The following FIRRM variants were observed in gnomAD, a reference collection of about 807,000 sequenced individuals.
FIRRM encodes FIGNL1-interacting regulator of recombination and mitosis.
At chr1:169,836,037 TTC>T in the FIRRM span, among the ~76,000 whole-genome samples, 4 of 146,976 alleles carry the variant, frequency 2.7e-5, no homozygotes, top group Admixed American at 7.1e-5. Flanking sequence ...ACAGAAAAGT[TTC>T]TCTGTCAGAT....
At chr1:169,805,607 G>A in the FIRRM span, among the ~76,000 whole-genome samples, 1 of 152,088 alleles carries the variant, frequency 6.6e-6, no homozygotes, top group Non-Finnish European at 1.5e-5. Context: ...CTGAGTAAAA[G>A]CCTTGCATGA....
the FIRRM span, chr1:169,842,399 C>T: frequency 6.2e-7 from 1 of 1,606,574 alleles, no homozygotes; most frequent in Non-Finnish European, 8.5e-7. Flanking sequence ...CAAGTCCTTT[C>T]CTGTTTCTGT....
the FIRRM span, chr1:169,827,835 A>G: frequency 6.2e-7 from 1 of 1,613,990 alleles, no homozygotes; most frequent in Non-Finnish European, 8.5e-7. Context: ...CAGAAACGAC[A>G]ACCAGGTAGC....
chr1:169,797,683 T>C, the FIRRM span, among the ~76,000 whole-genome samples: 244 of 152,248 alleles, frequency 1.6e-3, no homozygotes, highest in Non-Finnish European at 3.2e-3. Flanking sequence ...TAGCTGAGAT[T>C]ACAGGCACGT....
At chr1:169,796,924 G>T in the FIRRM span, among the ~76,000 whole-genome samples, 1 of 152,172 alleles carries the variant, frequency 6.6e-6, no homozygotes, top group Non-Finnish European at 1.5e-5. Context: ...CTTTTTCAGA[G>T]CCTTCAATCT....
At chr1:169,852,569 C>T in the FIRRM span, 1 of 556,796 alleles carries the variant, frequency 1.8e-6, no homozygotes, top group South Asian at 2.3e-5. Context: ...ATACCACATA[C>T]AAACTAAGAC....
chr1:169,803,378 G>T, the FIRRM span: 1 of 1,374,918 alleles, frequency 7.3e-7, no homozygotes. Flanking sequence ...GTAAAATAAT[G>T]TTTGTATAAG....
chr1:169,850,245 GTTCATCAATTTT>G, the FIRRM span: 1 of 1,539,278 alleles, frequency 6.5e-7, no homozygotes, highest in East Asian at 2.3e-5. Flanking sequence ...AATTGGTCTT[GTTCATCAATTTT>G]TTAATAGGGA....
At chr1:169,819,077 A>G in the FIRRM span, among the ~76,000 whole-genome samples, 1 of 152,358 alleles carries the variant, frequency 6.6e-6, no homozygotes, top group South Asian at 2.1e-4. Context: ...CAGCCTAATA[A>G]GCAGGCACAG....
chr1:169,806,510 A>C, the FIRRM span, among the ~76,000 whole-genome samples: 80 of 152,316 alleles, frequency 5.3e-4, no homozygotes, highest in African/African-American at 1.7e-3. Flanking sequence ...CAGTAATTTT[A>C]ACTTTCTGAA....
the FIRRM span, among the ~76,000 whole-genome samples, chr1:169,840,276 TG>T: frequency 6.6e-6 from 1 of 152,206 alleles, no homozygotes. Context: ...GTCAATAGTT[TG>T]GTAGGAAAAG....
chr1:169,818,841 C>T, the FIRRM span, among the ~76,000 whole-genome samples: 1 of 152,162 alleles, frequency 6.6e-6, no homozygotes, highest in Non-Finnish European at 1.5e-5. Flanking sequence ...CATGAGCCAC[C>T]ACACCTGGCT....
At chr1:169,832,367 C>G in the FIRRM span, 7 of 1,301,376 alleles carry the variant, frequency 5.4e-6, no homozygotes, top group Non-Finnish European at 7.8e-6. Flanking sequence ...TGTAAAAATT[C>G]TGATTCTAAA....
chr1:169,810,606 CCTCATCTTAA>C, the FIRRM span, among the ~76,000 whole-genome samples: 1 of 151,954 alleles, frequency 6.6e-6, no homozygotes, highest in Non-Finnish European at 1.5e-5. Context: ...TTTAATATGA[CCTCATCTTAA>C]CTAATTATGT....
chr1:169,807,741 C>T, the FIRRM span: 11 of 1,491,114 alleles, frequency 7.4e-6, no homozygotes, highest in Non-Finnish European at 9.8e-6. Flanking sequence ...TCCTAAGTTA[C>T]TTGATGTGTT....
the FIRRM span, chr1:169,851,504 T>C: frequency 1.3e-5 from 3 of 236,838 alleles, no homozygotes; most frequent in African/African-American, 4.6e-5. Context: ...GGCCTACTTA[T>C]ATTACATCTA....
chr1:169,810,250 GA>G, the FIRRM span, among the ~76,000 whole-genome samples: 1 of 152,022 alleles, frequency 6.6e-6, no homozygotes, highest in Non-Finnish European at 1.5e-5. Flanking sequence ...ATCTCACTTG[GA>G]AAAAAGTCAA....
chr1:169,804,779 C>G, the FIRRM span, among the ~76,000 whole-genome samples: 2 of 152,026 alleles, frequency 1.3e-5, no homozygotes, highest in Non-Finnish European at 2.9e-5. Flanking sequence ...GCCTCCCGGA[C>G]TCAAGCGATT....
At chr1:169,796,076 G>T in the FIRRM span, 1 of 554,070 alleles carries the variant, frequency 1.8e-6, no homozygotes, top group Non-Finnish European at 2.3e-6. Context: ...TCACTTGAGA[G>T]AATCTCAATA....
Sources: gnomAD v4.1 joint callset for allele counts (sites outside exome capture counted in the v4.1 genomes callset) on GRCh38, gnomAD v4.1.1 for gene constraint, MANE v1.5 for transcripts, NCBI Gene and HGNC (gene_info 2026-07-23, HGNC 2026-07-21) for gene names.